OTOA: variants seen among roughly 807,000 people sequenced by gnomAD.
The protein encoded by OTOA is otoancorin.
OTOA carries 70 observed loss-of-function variants against 110.8 expected under a neutral mutation model. The observed-to-expected ratio is 0.63, with a 90% confidence interval of 0.52 to 0.77. The LOEUF (loss-of-function observed/expected upper bound fraction) is 0.77. OTOA is among the 30% of genes least tolerant of loss of function. The pLI is 0.00. For missense variants in OTOA, 917 were observed against 1,075.8 expected (o/e 0.85, Z 2.06); for synonymous variants, 373 against 431.5 (o/e 0.86, Z 1.68).
intron 19 of OTOA, among the ~76,000 whole-genome samples, 155 bp downstream of exon 19, chr16:21,726,813 A>G (rs1898933192): frequency 6.6e-6 from 1 of 152,016 alleles, no homozygotes; most frequent in African/African-American, 2.4e-5. Flanking sequence ...GCTGGTTGGA[A>G]CAATCTTTTC....
At chr16:21,666,810 A>G (rs1188919861) in intron 1 of OTOA, among the ~76,000 whole-genome samples, 6 of 152,124 alleles carry the variant, frequency 3.9e-5, no homozygotes, top group Admixed American at 1.3e-4. Flanking sequence ...TCTGCTAAAA[A>G]AGTGACCCAA....
Position 21,687,666 on chromosome 16 carries a change from A to AAT in OTOA, c.635+18_635+19insAT. 3.3e-6 allele frequency: 5 copies of AAT among 1,526,074 alleles called. No homozygotes were observed. The highest frequency in any genetic ancestry group is 4.4e-6 in the Non-Finnish European group (5 of 1,132,260). The allele number at this position is 1,526,074 out of a possible 1,614,324, so 94.5% of individuals were successfully genotyped here. A position where few individuals can be genotyped will look rare whatever the true frequency, so the allele number is the denominator to read the frequency against. The stretch of plus-strand genomic sequence containing the variant: ...AAGAACCTGTGAGTGGTTCCTCCGA[A>AAT]CTTTTTTTTTTTTTTTTTTGAGATG... On this transcript the variant is annotated intron_variant, in intron 8 of 28. Transcript: ENST00000646100.
intron 9 of OTOA, among the ~76,000 whole-genome samples, chr16:21,692,030 T>C (rs527312979): frequency 1.3e-5 from 2 of 152,164 alleles, no homozygotes; most frequent in East Asian, 3.9e-4. Context: ...AAATCTATAT[T>C]AAAATGAGAG....
intron 27 of OTOA, among the ~76,000 whole-genome samples, chr16:21,756,695 T>C (rs1899996106): frequency 6.6e-6 from 1 of 152,042 alleles, no homozygotes; most frequent in Non-Finnish European, 1.5e-5. Flanking sequence ...GAAGTGTCAA[T>C]TTAACCCTGT....
chr16:21,714,871 C>A, intron 13 of OTOA, 114 bp from the exon 14 acceptor site: 1 of 1,379,266 alleles, frequency 7.3e-7, no homozygotes, highest in Non-Finnish European at 1.0e-6. Flanking sequence ...TGGCTCACTG[C>A]TGTGCCCCTA....
intron 21 of OTOA, among the ~76,000 whole-genome samples, chr16:21,735,890 C>T (rs462864): frequency 1.7e-4 from 26 of 151,974 alleles, no homozygotes; most frequent in Non-Finnish European, 2.9e-4. Context: ...CACCACACCT[C>T]GCCTAACCTA....
At chr16:21,695,866 GATATATATAT>G (rs71151648) in intron 9 of OTOA, among the ~76,000 whole-genome samples, 2 of 72,720 alleles carry the variant, frequency 2.8e-5, no homozygotes, top group South Asian at 6.1e-4. Flanking sequence ...CTAGACTTGA[GATATATATAT>G]ATATATATAT....
chr16:21,708,826 A>G (rs189529234), intron 12 of OTOA, among the ~76,000 whole-genome samples: 4 of 152,298 alleles, frequency 2.6e-5, no homozygotes, highest in African/African-American at 9.6e-5. Context: ...TACAGAGCTC[A>G]TTGTATAGTA....
At chr16:21,675,034 A>T in intron 1 of OTOA, among the ~76,000 whole-genome samples, 1 of 145,932 alleles carries the variant, frequency 6.9e-6, no homozygotes, top group Non-Finnish European at 1.5e-5. Context: ...CTTTACACAA[A>T]TTTGGTCATG....
intron 19 of OTOA, among the ~76,000 whole-genome samples, chr16:21,727,451 A>G (rs1321603425): frequency 1.3e-5 from 2 of 152,208 alleles, no homozygotes; most frequent in African/African-American, 4.8e-5. Flanking sequence ...AATGGATAAT[A>G]GTAGTACTTA....
At chr16:21,714,764 C>A (rs1481570507) in intron 13 of OTOA, among the ~76,000 whole-genome samples, 3 of 152,114 alleles carry the variant, frequency 2.0e-5, no homozygotes, top group African/African-American at 7.2e-5. Flanking sequence ...ACCCGCCTGG[C>A]CTCTCAAAGT....
At chr16:21,750,218 C>A (rs1187922821) in intron 24 of OTOA, among the ~76,000 whole-genome samples, 2 of 150,886 alleles carry the variant, frequency 1.3e-5, no homozygotes, top group Non-Finnish European at 3.0e-5. Flanking sequence ...AGTTTGAGAC[C>A]AGCCTGGCCA....
At chr16:21,703,922 T>C (rs1318123297) in intron 11 of OTOA, among the ~76,000 whole-genome samples, 1 of 152,138 alleles carries the variant, frequency 6.6e-6, no homozygotes, top group African/African-American at 2.4e-5. Flanking sequence ...TGTGCTACGA[T>C]GAACAAAGAA....
At chr16:21,714,383 CTT>C (rs1248516821) in intron 13 of OTOA, among the ~76,000 whole-genome samples, 6 of 117,940 alleles carry the variant, frequency 5.1e-5, no homozygotes, top group African/African-American at 1.8e-4. Flanking sequence ...CTCTTTCTCT[CTT>C]TCTCTCTTTC....
At chr16:21,728,913 A>G (rs1899019309) in intron 20 of OTOA, among the ~76,000 whole-genome samples, 1 of 152,134 alleles carries the variant, frequency 6.6e-6, no homozygotes, top group South Asian at 2.1e-4. Context: ...TGTAAAGTGG[A>G]ATCAATAGTA....
At chr16:21,727,534 A>G (rs539131139) in intron 19 of OTOA, among the ~76,000 whole-genome samples, 1 of 152,306 alleles carries the variant, frequency 6.6e-6, no homozygotes, top group East Asian at 1.9e-4. Context: ...CACATAGGAA[A>G]CACACAATAA....
rs727503349 is a variant in OTOA at position 21,709,878 on chromosome 16, C to T, written c.1105-10C>T. ...CTGTCAACACTCATTCCAGTTTGCTCTCCTTCCAGCTCAAAGCAGAACTCC... is the reference window on the plus strand; with the variant it reads ...CTGTCAACACTCATTCCAGTTTGCTTTCCTTCCAGCTCAAAGCAGAACTCC... On this transcript the variant is annotated splice_polypyrimidine_tract_variant and intron_variant, in intron 12 of 28. Transcript: ENST00000646100. 1.2e-6 allele frequency: 2 copies of T among 1,608,234 alleles called. No homozygotes were observed. Among genetic ancestry groups the T allele is most frequent in the Non-Finnish European group, 1.7e-6 (2 of 1,174,688 alleles).
intron 9 of OTOA, among the ~76,000 whole-genome samples, chr16:21,694,398 G>A (rs1167511168): frequency 6.6e-6 from 1 of 152,088 alleles, no homozygotes; most frequent in Non-Finnish European, 1.5e-5. Flanking sequence ...AGCCGTGATG[G>A]AGCCACTGGA....
At chr16:21,711,313 A>G (rs563760869) in intron 13 of OTOA, among the ~76,000 whole-genome samples, 3 of 152,298 alleles carry the variant, frequency 2.0e-5, no homozygotes, top group South Asian at 4.2e-4. Context: ...TGTCAGGCAG[A>G]CAGTCCTCTT....
Sources: allele counts gnomAD v4.1 joint callset (sites outside exome capture counted in the v4.1 genomes callset), GRCh38; gene constraint gnomAD v4.1.1; transcripts MANE v1.5; gene names NCBI Gene and HGNC (gene_info 2026-07-23, HGNC 2026-07-21).